PRR22: variants seen among roughly 807,000 people sequenced by gnomAD.
The protein encoded by PRR22 is proline rich 22.
Under a neutral mutation model 7.2 loss-of-function variants are expected in PRR22, and 5 were observed. That is an observed-to-expected ratio of 0.69 (90% CI 0.36 to 1.45). The LOEUF is 1.45. Ranked by LOEUF, PRR22 falls within the 40% of genes most tolerant of loss-of-function variation. PRR22 has a pLI of 0.03. For missense variants in PRR22, 619 were observed against 568.8 expected (o/e 1.09, Z -0.90); for synonymous variants, 319 against 269.3 (o/e 1.18, Z -1.81).
In PRR22 at chr19:5,783,620, G is replaced by A. The variant is rs367951512; in HGVS notation, c.627C>T (p.Asp209=). 54 of 1,607,316 alleles carry A rather than the reference G, an allele frequency of 3.4e-5. No individual in the cohort carries two copies. The highest frequency in any genetic ancestry group is 1.7e-4 in the Middle Eastern group (1 of 6,042). Reference sequence around the variant, plus strand: ...GGTGACCCTGGAGGTGGCTGTAGGCGTCTGGGGGCAGTGTGGGCTCTGCAG... The same window carrying A: ...GGTGACCCTGGAGGTGGCTGTAGGCATCTGGGGGCAGTGTGGGCTCTGCAG... ...TLPAEPTLPP[D]AYSHLQGHLG... The change falls in exon 3 of 3, where the codon GAC becomes GAT. Residue 209 remains aspartate, a synonymous_variant. Transcript: ENST00000419421.
At position 5,784,698 on chromosome 19, in the gene PRR22, G is replaced by A. The variant is rs772839944; in HGVS notation, c.-38C>T. On this transcript the variant is annotated 5_prime_UTR_variant, in exon 1 of 3. Transcript: ENST00000419421. ...GGCCCGGTCCAGACAGGCCAGGAGG[G>A]CGGCAGTGGGAGTGCAAGTGGCCCA... is the stretch of plus-strand genomic sequence containing the variant. The A allele has an allele frequency of 2.6e-5, 40 of 1,522,850 alleles. No individual in the cohort carries two copies. The highest frequency in any genetic ancestry group is 3.5e-5 in the Non-Finnish European group (40 of 1,141,278). 94.3% of individuals were successfully genotyped at this position (1,522,850 alleles called of 1,614,324 possible).
Position 5,784,652 on chromosome 19 carries a change from G to A in PRR22, c.9C>T (p.His3=), listed in dbSNP as rs1311775107. Reference sequence around the variant, plus strand: ...CTGCAGGGGCACAGAACGGTTTGGGGTGCTGCATGGGGCAGCGGGGGGCCC... The same window carrying A: ...CTGCAGGGGCACAGAACGGTTTGGGATGCTGCATGGGGCAGCGGGGGGCCC... MQ[H]PKPFCAPAAP... is the part of the protein sequence containing the mutation. The change falls in exon 1 of 3, where the codon CAC becomes CAT. Residue 3 remains histidine, a synonymous_variant. Transcript: ENST00000419421. 6.5e-7 allele frequency: 1 copy of A among 1,534,394 alleles called. No homozygotes were observed.
At chr19:5,784,349 T>C (rs958057935) in intron 2 of PRR22, 28 bp downstream of exon 2, 1 of 1,605,632 alleles carries the variant, frequency 6.2e-7, no homozygotes, top group Non-Finnish European at 8.5e-7. Flanking sequence ...ACTCCCAGCC[T>C]CGTCAAGGGC....
chr19:5,782,972 T>G lies in PRR22; in HGVS notation c.*6A>C. The G allele has an allele frequency of 6.6e-7, 1 of 1,509,320 alleles. No individual in the cohort carries two copies. Among genetic ancestry groups the G allele is most frequent in the Non-Finnish European group, 8.8e-7 (1 of 1,132,458 alleles). 93.5% of individuals were successfully genotyped at this position (1,509,320 alleles called of 1,614,324 possible). A position where few individuals can be genotyped will look rare whatever the true frequency, so the allele number is the denominator to read the frequency against. On this transcript the variant is annotated 3_prime_UTR_variant, in exon 3 of 3. Transcript: ENST00000419421. ...GTGGACATGGAGCTGAAAGGTCAAA[T>G]GTGCTTTAATGCGGGGTGGCTCCCA...
In PRR22 at chr19:5,783,433, G is replaced by C; in HGVS notation, c.814C>G (p.Pro272Ala). The change falls in exon 3 of 3, where the codon CCC becomes GCC. Residue 272 changes from proline (P) to alanine (A), a missense_variant. Transcript: ENST00000419421. ...AGTGCCAAAGCTCTGGCCGTCTTGG[G>C]GGCCTTGGCCTTGCCTGCTCCCAGC... ...ALLGAGKAKAPKTARALALPD... is the reference protein window; with the variant it reads ...ALLGAGKAKAAKTARALALPD... 1 of 1,612,038 alleles carries C rather than the reference G, an allele frequency of 6.2e-7. No homozygotes were observed. Among genetic ancestry groups the C allele is most frequent in the Non-Finnish European group, 8.5e-7 (1 of 1,179,686 alleles).
At position 5,784,654 on chromosome 19, in the gene PRR22, G is replaced by A; in HGVS notation, c.7C>T (p.His3Tyr). Residue 3 changes from histidine to tyrosine, a missense_variant, in exon 1 of 3, where the codon CAC becomes TAC. His to Tyr is a moderately conservative substitution (Grantham distance 83, BLOSUM62 2). Coordinates refer to ENST00000419421, the MANE Select transcript of PRR22 (RefSeq NM_001134316.2). MQ[H>Y]PKPFCAPAAP... The stretch of plus-strand genomic sequence containing the variant: ...GCAGGGGCACAGAACGGTTTGGGGT[G>A]CTGCATGGGGCAGCGGGGGGCCCGG... 1 of 1,534,214 alleles carries A rather than the reference G, an allele frequency of 6.5e-7. No homozygotes were observed. The highest frequency in any genetic ancestry group is 1.2e-5 in the South Asian group (1 of 83,958).
chr19:5,783,169 C>A lies in PRR22; in HGVS notation c.1078G>T (p.Ala360Ser), dbSNP rs1453987757. ...TGGGGCGGCTGCTCCTCGTCGAGCG[C>A]CTTGAAGTTGAAGAAGTAGTCAACG... Reference protein sequence around the residue: ...SNVDYFFNFKALDEEQPPHPG... With the variant: ...SNVDYFFNFKSLDEEQPPHPG... Residue 360 changes from alanine to serine, a missense_variant, in exon 3 of 3, where the codon GCG becomes TCG. Physicochemically the swap from Ala to Ser is moderately conservative, Grantham distance 99. Transcript: ENST00000419421. 6.2e-7 allele frequency: 1 copy of A among 1,612,648 alleles called. No individual in the cohort carries two copies. Among genetic ancestry groups the A allele is most frequent in the Admixed American group, 1.7e-5 (1 of 60,004 alleles).
At chr19:5,784,079 A>AGAGC in intron 2 of PRR22, 26 bp from the exon 3 acceptor site, 2 of 1,601,882 alleles carry the variant, frequency 1.2e-6, no homozygotes, top group Non-Finnish European at 1.7e-6. Flanking sequence ...GGGTGCCCTG[A>AGAGC]GAGCAGCTGC....
chr19:5,783,767 C>T lies in PRR22; in HGVS notation c.480G>A (p.Val160=). 8 of 1,486,180 alleles carry T rather than the reference C, an allele frequency of 5.4e-6. No homozygotes were observed. The highest frequency in any genetic ancestry group is 7.2e-6 in the Non-Finnish European group (8 of 1,117,110). The allele number at this position is 1,486,180 out of a possible 1,614,324, so 92.1% of individuals were successfully genotyped here. A position where few individuals can be genotyped will look rare whatever the true frequency, so the allele number is the denominator to read the frequency against. Reference sequence around the variant, plus strand: ...CGAAGGCGGCGGGCCCTGCGTCCCCCACAAAACCCAGAGCCTCTGGCCCGG... The same window carrying T: ...CGAAGGCGGCGGGCCCTGCGTCCCCTACAAAACCCAGAGCCTCTGGCCCGG... ...EGPGPEALGF[V]GDAGPAAFVE... is the part of the protein sequence containing the mutation. The change falls in exon 3 of 3, where the codon GTG becomes GTA. Residue 160 remains valine, a synonymous_variant. Transcript: ENST00000419421.
Position 5,784,371 on chromosome 19 carries a change from C to G in PRR22, c.193+6G>C, listed in dbSNP as rs753929829. On this transcript the variant is annotated splice_donor_region_variant and intron_variant, in intron 2 of 2. Transcript: ENST00000419421. ...GCCTCGTCAAGGGCTCAGGGGAGGC[C>G]GGTACCTGCTGGTGGGGCTGGAAAC... 1.2e-6 allele frequency: 2 copies of G among 1,609,848 alleles called. No individual in the cohort carries two copies. The highest frequency in any genetic ancestry group is 1.7e-6 in the Non-Finnish European group (2 of 1,178,362).
chr19:5,783,090 T>C lies in PRR22; in HGVS notation c.1157A>G (p.Lys386Arg), dbSNP rs757893490. 2.9e-5 allele frequency: 46 copies of C among 1,608,466 alleles called. No homozygotes were observed. In the African/African-American group the frequency reaches 5.5e-4, roughly 19 times the overall value. ...CTTTCCCTTCTTGGCCGTCGAGGCCTTTCTCTTGCCAGACAGAATGGGGGC... is the reference window on the plus strand; with the variant it reads ...CTTTCCCTTCTTGGCCGTCGAGGCCCTTCTCTTGCCAGACAGAATGGGGGC... ...TPAPILSGKR[K>R]ASTAKKGKPG... is the part of the protein sequence containing the mutation. Residue 386 changes from lysine (K) to arginine (R), a missense_variant, in exon 3 of 3, where the codon AAG becomes AGG. Transcript: ENST00000419421.
Position 5,783,786 on chromosome 19 carries a change from G to A in PRR22, c.461C>T (p.Pro154Leu). 6.7e-7 allele frequency: 1 copy of A among 1,492,792 alleles called. No individual in the cohort carries two copies. Among genetic ancestry groups the A allele is most frequent in the Non-Finnish European group, 8.9e-7 (1 of 1,120,050 alleles). The allele number at this position is 1,492,792 out of a possible 1,614,324, so 92.5% of individuals were successfully genotyped here. A position where few individuals can be genotyped will look rare whatever the true frequency, so the allele number is the denominator to read the frequency against. ...LPYFPPEGPG[P>L]EALGFVGDAG... Reference sequence around the variant, plus strand: ...GTCCCCCACAAAACCCAGAGCCTCTGGCCCGGGGCCCTCAGGCGGGAAGTA... The same window carrying A: ...GTCCCCCACAAAACCCAGAGCCTCTAGCCCGGGGCCCTCAGGCGGGAAGTA... The change falls in exon 3 of 3, where the codon CCA (proline) becomes CTA (leucine). Residue 154 changes from proline (P) to leucine (L), a missense_variant. Transcript: ENST00000419421.
In PRR22 at chr19:5,783,969, G is replaced by A; in HGVS notation, c.278C>T (p.Ala93Val). The A allele has an allele frequency of 1.2e-6, 2 of 1,606,250 alleles. No individual in the cohort carries two copies. The highest frequency in any genetic ancestry group is 1.7e-6 in the Non-Finnish European group (2 of 1,177,094). ...EWTTPDLGQS[A>V]LYKLAASSGG... is the part of the protein sequence containing the mutation. ...GCTGCTTGCTGCCAGCTTATACAGG[G>A]CTGACTGGCCCAGGTCGGGGGTGGT... is the stretch of plus-strand genomic sequence containing the variant. The change falls in exon 3 of 3, where the codon GCC becomes GTC. Residue 93 changes from alanine (A) to valine (V), a missense_variant. Physicochemically the swap from Ala to Val is moderately conservative, Grantham distance 64. Transcript: ENST00000419421.
In PRR22 at chr19:5,783,496, T is replaced by C. The variant is rs778215850; in HGVS notation, c.751A>G (p.Ser251Gly). The C allele has an allele frequency of 1.9e-5, 30 of 1,602,314 alleles. No homozygotes were observed. The highest frequency in any genetic ancestry group is 8.6e-5 in the Admixed American group (5 of 58,278). The change falls in exon 3 of 3, where the codon AGC (serine) becomes GGC (glycine). Residue 251 changes from serine (S) to glycine (G), a missense_variant. Ser to Gly is a moderately conservative substitution (Grantham distance 56). Transcript: ENST00000419421. ...PGVPLYPPGLSELKVAEVKEG... is the reference protein window; with the variant it reads ...PGVPLYPPGLGELKVAEVKEG... The stretch of plus-strand genomic sequence containing the variant: ...TTGACCTCGGCCACCTTGAGCTCGC[T>C]GAGGCCCGGTGGGTACAGGGGCACC...
In PRR22 at chr19:5,783,150, G is replaced by A. The variant is rs113531842; in HGVS notation, c.1097C>T (p.Pro366Leu). 124 of 1,612,428 alleles carry A rather than the reference G, an allele frequency of 7.7e-5. No homozygotes were observed. The African/African-American group carries it at 1.0e-3, about 13-fold the overall frequency. Residue 366 changes from proline (P) to leucine (L), a missense_variant, in exon 3 of 3, where the codon CCG becomes CTG. Physicochemically the swap from Pro to Leu is moderately conservative, Grantham distance 98. Transcript: ENST00000419421. Reference protein sequence around the residue: ...FNFKALDEEQPPHPGPPATNT... With the variant: ...FNFKALDEEQLPHPGPPATNT... ...GGTGGCAGGGGGCCCCGGGTGGGGC[G>A]GCTGCTCCTCGTCGAGCGCCTTGAA...
In PRR22 at chr19:5,783,800, A is replaced by G; in HGVS notation, c.447T>C (p.Pro149=). Residue 149 remains proline (P), a synonymous_variant, in exon 3 of 3, where the codon CCT becomes CCC. Transcript: ENST00000419421. ...GPQFLLPYFP[P]EGPGPEALGF... is the part of the protein sequence containing the mutation. ...CCAGAGCCTCTGGCCCGGGGCCCTC[A>G]GGCGGGAAGTAGGGCAAGAGAAACT... 1 of 1,502,620 alleles carries G rather than the reference A, an allele frequency of 6.7e-7. No individual in the cohort carries two copies. Among genetic ancestry groups the G allele is most frequent in the Non-Finnish European group, 8.9e-7 (1 of 1,124,884 alleles). 93.1% of individuals were successfully genotyped at this position (1,502,620 alleles called of 1,614,324 possible).
Position 5,784,531 on chromosome 19 carries a change from C to G in PRR22, c.130G>C (p.Gly44Arg). ...GGTGCTCCCACCCACCCGATCGTAC[C>G]CATAGCGGGAGGAGGCTCGGCACAG... ...PTCAEPPPAM[G>R]SLNLYHPPDP... The change falls in exon 1 of 3, where the codon GGC (glycine) becomes CGC (arginine). Residue 44 changes from glycine to arginine, a missense_variant and splice_region_variant. Coordinates refer to ENST00000419421, the MANE Select transcript of PRR22 (RefSeq NM_001134316.2). 3.9e-6 allele frequency: 6 copies of G among 1,550,162 alleles called. No individual in the cohort carries two copies. Among genetic ancestry groups the G allele is most frequent in the Non-Finnish European group, 5.2e-6 (6 of 1,146,896 alleles).
rs1330298102 is a variant in PRR22, at chr19:5,783,958, G to A, written c.289C>T (p.Leu97=). 32 of 1,602,356 alleles carry A rather than the reference G, an allele frequency of 2.0e-5. No homozygotes were observed. The highest frequency in any genetic ancestry group is 2.6e-5 in the Non-Finnish European group (31 of 1,175,262). The change falls in exon 3 of 3, where the codon CTG becomes TTG. Residue 97 remains leucine, a synonymous_variant. Coordinates refer to ENST00000419421, the MANE Select transcript of PRR22 (RefSeq NM_001134316.2). ...PDLGQSALYK[L]AASSGGPAGV... is the part of the protein sequence containing the mutation. The stretch of plus-strand genomic sequence containing the variant: ...GCTGGCCCCCCGCTGCTTGCTGCCA[G>A]CTTATACAGGGCTGACTGGCCCAGG...
intron 2 of PRR22, 72 bp downstream of exon 2, chr19:5,784,305 G>A (rs2056819459): frequency 6.6e-7 from 1 of 1,515,404 alleles, no homozygotes; most frequent in African/African-American, 1.4e-5. Context: ...TTAGGGACGG[G>A]GCAGGGGCAA....
Sources: allele counts gnomAD v4.1 joint callset, GRCh38; gene constraint gnomAD v4.1.1; transcripts MANE v1.5; gene names NCBI Gene and HGNC (gene_info 2026-07-23, HGNC 2026-07-21).